SLC30A9: variants seen among roughly 807,000 people sequenced by gnomAD.
SLC30A9 encodes solute carrier family 30 member 9.
SLC30A9 carries 58 observed loss-of-function variants against 87.5 expected under a neutral mutation model. The ratio of observed to expected loss-of-function variants is 0.66; its 90% confidence interval spans 0.54 to 0.82. SLC30A9 has a LOEUF of 0.82. Ranked by LOEUF, SLC30A9 falls within the 40% of genes least tolerant of loss-of-function variation. SLC30A9 has a pLI of 0.00. For missense variants in SLC30A9, 557 were observed against 679.1 expected, an observed-to-expected ratio of 0.82 and a Z score of 2.00; for synonymous variants, 234 against 233.0, an observed-to-expected ratio of 1.00 and a Z score of -0.04.
At position 42,058,604 on chromosome 4, in the gene SLC30A9, A is replaced by G. The variant is rs187279073; in HGVS notation, c.841-1587A>G. On this transcript the variant is annotated intron_variant, in intron 9 of 17. Transcript: ENST00000264451. ...ATGCCCAAGACTGGGCAATTTACAGAAAAAGGAGGTTTAATGGACTTACAA... is the reference window on the plus strand; with the variant it reads ...ATGCCCAAGACTGGGCAATTTACAGGAAAAGGAGGTTTAATGGACTTACAA... 4.2e-3 allele frequency among the ~76,000 whole-genome samples: 636 copies of G among 152,330 alleles called. 6 individuals carry two copies. The highest frequency in any genetic ancestry group is 0.014 in the African/African-American group (592 of 41,572).
At chr4:41,997,825 A>G (rs1042650477) in intron 1 of SLC30A9, among the ~76,000 whole-genome samples, 2 of 152,228 alleles carry the variant, frequency 1.3e-5, no homozygotes, top group African/African-American at 4.8e-5. Flanking sequence ...ACAGTTATTT[A>G]GCTTTCATAT....
chr4:42,001,035 C>T (rs1714961381), intron 1 of SLC30A9, among the ~76,000 whole-genome samples: 1 of 152,052 alleles, frequency 6.6e-6, no homozygotes, highest in Admixed American at 6.6e-5. Flanking sequence ...CTTCAAAGCT[C>T]ACAGTCAACC....
intron 1 of SLC30A9, among the ~76,000 whole-genome samples, chr4:41,997,135 A>G (rs560654506): frequency 1.3e-5 from 2 of 149,156 alleles, no homozygotes; most frequent in Non-Finnish European, 3.0e-5. Flanking sequence ...GGAAGTTGTC[A>G]TCATCTCCTA....
chr4:42,037,239 C>CTT (rs536795831), intron 7 of SLC30A9, among the ~76,000 whole-genome samples: 145 of 91,196 alleles, frequency 1.6e-3, no homozygotes, highest in Non-Finnish European at 2.1e-3. Context: ...TAAATGCCTT[C>CTT]TTTTTTTTTT....
intron 6 of SLC30A9, among the ~76,000 whole-genome samples, chr4:42,031,868 A>G (rs1716452789): frequency 6.6e-6 from 1 of 152,214 alleles, no homozygotes; most frequent in South Asian, 2.1e-4. Flanking sequence ...CCTCCAAAGC[A>G]TGAAATATTT....
intron 9 of SLC30A9, among the ~76,000 whole-genome samples, chr4:42,056,553 C>G (rs995632581): frequency 3.9e-5 from 6 of 152,128 alleles, no homozygotes; most frequent in African/African-American, 1.4e-4. Flanking sequence ...CACTAGGTCC[C>G]TCCCACAACA....
chr4:42,028,837 G>A (rs1716299155), intron 6 of SLC30A9, among the ~76,000 whole-genome samples: 1 of 152,154 alleles, frequency 6.6e-6, no homozygotes, highest in South Asian at 2.1e-4. Context: ...TGAATAAGAA[G>A]ACCCACCTGT....
chr4:41,992,435 G>C (rs887981009), intron 1 of SLC30A9, among the ~76,000 whole-genome samples: 2 of 151,994 alleles, frequency 1.3e-5, no homozygotes, highest in East Asian at 3.9e-4. Context: ...TGTTTCTATT[G>C]ACCAAGCAAT....
intron 17 of SLC30A9, among the ~76,000 whole-genome samples, chr4:42,085,223 A>G (rs1219615450): frequency 6.6e-6 from 1 of 152,188 alleles, no homozygotes; most frequent in Non-Finnish European, 1.5e-5. Flanking sequence ...TACCTTAGAT[A>G]TTATATCCTC....
chr4:42,075,854 A>G, intron 16 of SLC30A9, 68 bp downstream of exon 16: 1 of 1,508,946 alleles, frequency 6.6e-7, no homozygotes, highest in Non-Finnish European at 8.9e-7. Context: ...AAACAAAATG[A>G]AATTTTTTTT....
chr4:42,059,212 T>C (rs1717747291), intron 9 of SLC30A9, among the ~76,000 whole-genome samples: 1 of 152,194 alleles, frequency 6.6e-6, no homozygotes, highest in Non-Finnish European at 1.5e-5. Flanking sequence ...GATATGATGC[T>C]GGAAAAAGGA....
chr4:42,010,789 A>G (rs1715405657), intron 2 of SLC30A9, among the ~76,000 whole-genome samples: 1 of 152,330 alleles, frequency 6.6e-6, no homozygotes, highest in East Asian at 1.9e-4. Flanking sequence ...TAAAAAGAGA[A>G]AATTGAAGAC....
intron 8 of SLC30A9, among the ~76,000 whole-genome samples, chr4:42,048,006 T>G (rs1717236547): frequency 6.6e-6 from 1 of 151,412 alleles, no homozygotes; most frequent in East Asian, 1.9e-4. Flanking sequence ...ATGTTCTCAC[T>G]CATAAGTGAG....
At chr4:42,042,565 G>A (rs1055040101) in intron 8 of SLC30A9, among the ~76,000 whole-genome samples, 1 of 152,218 alleles carries the variant, frequency 6.6e-6, no homozygotes, top group African/African-American at 2.4e-5. Context: ...GAAAGGCCCA[G>A]CAGTCCCGGT....
rs1366935162 is a variant in SLC30A9 at position 42,063,061 on chromosome 4, A to G, written c.972A>G (p.Leu324=). ...GTATTTTCATGATGGGTGCAGGACT[A>G]TCTTGGTACCATGGAGTCATGGGAT... ...GVGIFMMGAG[L]SWYHGVMGLL... Residue 324 remains leucine (L), a synonymous_variant, in exon 11 of 18, where the codon CTA becomes CTG. Transcript: ENST00000264451. 2 of 1,613,430 alleles carry G rather than the reference A, an allele frequency of 1.2e-6. No homozygotes were observed. Among genetic ancestry groups the G allele is most frequent in the Non-Finnish European group, 1.7e-6 (2 of 1,179,512 alleles).
At chr4:42,056,328 A>T (rs2153139248) in intron 9 of SLC30A9, among the ~76,000 whole-genome samples, 1 of 152,244 alleles carries the variant, frequency 6.6e-6, no homozygotes, top group East Asian at 1.9e-4. Flanking sequence ...CATACCCAAG[A>T]CTGGGCAATT....
At chr4:42,083,820 GT>G (rs1470326661) in intron 17 of SLC30A9, among the ~76,000 whole-genome samples, 1 of 152,046 alleles carries the variant, frequency 6.6e-6, no homozygotes, top group Non-Finnish European at 1.5e-5. Flanking sequence ...ACAGGGAATA[GT>G]TTTAAATAAG....
At chr4:42,043,866 ATC>A (rs535484827) in intron 8 of SLC30A9, among the ~76,000 whole-genome samples, 243 of 152,352 alleles carry the variant, frequency 1.6e-3, no homozygotes, top group African/African-American at 5.5e-3. Context: ...CTAACAGCAG[ATC>A]TCTCTGCAGA....
At chr4:42,050,154 A>G (rs1272103442) in intron 9 of SLC30A9, among the ~76,000 whole-genome samples, 1 of 152,214 alleles carries the variant, frequency 6.6e-6, no homozygotes, top group Admixed American at 6.5e-5. Flanking sequence ...GATAAGGAGC[A>G]AGGAGAGCAA....
Sources: gnomAD v4.1 joint callset for allele counts (sites outside exome capture counted in the v4.1 genomes callset) on GRCh38, gnomAD v4.1.1 for gene constraint, MANE v1.5 for transcripts, NCBI Gene and HGNC (gene_info 2026-07-23, HGNC 2026-07-21) for gene names.